The following SYT14 variants were observed in gnomAD, a reference collection of about 807,000 sequenced individuals.
SYT14 encodes the protein synaptotagmin 14.
SYT14 carries 32 observed loss-of-function variants against 74.2 expected under a neutral mutation model. The ratio of observed to expected loss-of-function variants is 0.43; its 90% confidence interval spans 0.33 to 0.58. The LOEUF (loss-of-function observed/expected upper bound fraction) is 0.58. Ranked by LOEUF, SYT14 falls within the 20% of genes least tolerant of loss-of-function variation. The pLI is 0.05. For synonymous variants in SYT14, 298 were observed against 337.7 expected (o/e 0.88, Z 1.29); for missense variants, 791 against 981.8 (o/e 0.81, Z 2.60).
intron 2 of SYT14, among the ~76,000 whole-genome samples, chr1:209,967,343 C>G (rs2079171773): frequency 6.6e-6 from 1 of 152,016 alleles, no homozygotes; most frequent in Middle Eastern, 3.2e-3. Flanking sequence ...GAAGTATTCC[C>G]TCCTCTTGAA....
At chr1:210,150,406 A>C (rs1299396440) in intron 7 of SYT14, among the ~76,000 whole-genome samples, 1 of 152,182 alleles carries the variant, frequency 6.6e-6, no homozygotes, top group Non-Finnish European at 1.5e-5. Context: ...CTAGACTTAC[A>C]GTGTGGAGGA....
intron 5 of SYT14, among the ~76,000 whole-genome samples, chr1:210,083,154 G>C (rs1383498295): frequency 6.6e-6 from 1 of 151,808 alleles, no homozygotes; most frequent in Non-Finnish European, 1.5e-5. Context: ...CTAATTTTTG[G>C]GGTTTTTTTG....
intron 7 of SYT14, among the ~76,000 whole-genome samples, chr1:210,121,599 C>G (rs920357594): frequency 6.6e-6 from 1 of 151,954 alleles, no homozygotes; most frequent in Non-Finnish European, 1.5e-5. Context: ...TTGAGACCAT[C>G]CTGGCTAACA....
intron 7 of SYT14, 146 bp downstream of exon 6, chr1:210,100,607 TG>T (rs2082046861): frequency 1.5e-5 from 12 of 779,932 alleles, no homozygotes; most frequent in Admixed American, 2.7e-5. Flanking sequence ...ATCTAAGCCC[TG>T]GATAGATAGA....
At chr1:210,049,984 C>T (rs1469358759) in intron 5 of SYT14, among the ~76,000 whole-genome samples, 1 of 152,178 alleles carries the variant, frequency 6.6e-6, no homozygotes, top group African/African-American at 2.4e-5. Context: ...GAGACATTTT[C>T]CCCATTGTCT....
chr1:210,096,956 T>A (rs1013821297), intron 6 of SYT14, among the ~76,000 whole-genome samples: 2 of 152,210 alleles, frequency 1.3e-5, no homozygotes, highest in Non-Finnish European at 2.9e-5. Context: ...TTACTCACTA[T>A]CTATAGTTAT....
At chr1:210,153,584 A>G (rs980787127) in intron 7 of SYT14, among the ~76,000 whole-genome samples, 4 of 152,144 alleles carry the variant, frequency 2.6e-5, no homozygotes, top group African/African-American at 9.7e-5. Context: ...TGCTTCTGAT[A>G]TATAGTAATG....
At chr1:210,061,792 A>AT (rs763421985) in intron 5 of SYT14, among the ~76,000 whole-genome samples, 2 of 151,896 alleles carry the variant, frequency 1.3e-5, no homozygotes, top group Non-Finnish European at 2.9e-5. Flanking sequence ...TAGAACTTTG[A>AT]TTTTGTAATT....
exon 10 of SYT14, chr1:210,169,914 C>G (rs999556706): frequency 6.6e-6 from 1 of 151,284 alleles, no homozygotes; most frequent in Non-Finnish European, 1.5e-5. Flanking sequence ...TTCAATATTC[C>G]CTTACTCTTC....
rs996756911 is a variant in SYT14, at chr1:210,062,441, C to G, written c.1313-31881C>G. ...TTGTCAAACTTTTGACACTAGAAAACAAAAGCACAATAATGTGCAAATGAA... is the reference window on the plus strand; with the variant it reads ...TTGTCAAACTTTTGACACTAGAAAAGAAAAGCACAATAATGTGCAAATGAA... On this transcript the variant is annotated intron_variant, in intron 5 of 9. Coordinates refer to ENST00000637265, the Ensembl canonical transcript of SYT14. Among the ~76,000 whole-genome samples the G allele has an allele frequency of 5.3e-5, 8 of 151,690 alleles. No individual in the cohort carries two copies. The South Asian group carries it at 6.2e-4, about 12-fold the overall frequency.
chr1:210,104,045 CT>C (rs1224979993), intron 7 of SYT14, among the ~76,000 whole-genome samples: 1 of 152,154 alleles, frequency 6.6e-6, no homozygotes, highest in Non-Finnish European at 1.5e-5. Flanking sequence ...TTCTGGAAAC[CT>C]CAATACAGAC....
chr1:210,112,671 A>G (rs2082285757), intron 7 of SYT14, among the ~76,000 whole-genome samples: 2 of 151,300 alleles, frequency 1.3e-5, no homozygotes, highest in Non-Finnish European at 2.9e-5. Context: ...ATGCCTTTTG[A>G]TGGCCCTTGC....
intron 7 of SYT14, among the ~76,000 whole-genome samples, chr1:210,128,336 C>G (rs570044200): frequency 6.6e-6 from 1 of 150,966 alleles, no homozygotes; most frequent in South Asian, 2.1e-4. Flanking sequence ...ATGGTCACAC[C>G]ATTGTACTCT....
intron 5 of SYT14, among the ~76,000 whole-genome samples, chr1:210,060,675 A>G (rs2081191316): frequency 6.6e-6 from 1 of 152,092 alleles, no homozygotes; most frequent in Admixed American, 6.6e-5. Context: ...ATAGAAAGGA[A>G]AAAATATATA....
intron 7 of SYT14, among the ~76,000 whole-genome samples, chr1:210,141,278 A>G (rs925414896): frequency 3.9e-5 from 6 of 152,146 alleles, no homozygotes; most frequent in African/African-American, 1.4e-4. Context: ...TAAGTATTCT[A>G]TTCATATTGA....
chr1:210,109,631 A>G (rs1036877383), intron 7 of SYT14, among the ~76,000 whole-genome samples: 24 of 152,136 alleles, frequency 1.6e-4, no homozygotes, highest in African/African-American at 5.8e-4. Context: ...AGGAAACAAC[A>G]GATGCTAGAG....
At chr1:210,152,582 T>C (rs896530116) in intron 7 of SYT14, among the ~76,000 whole-genome samples, 1 of 152,082 alleles carries the variant, frequency 6.6e-6, no homozygotes, top group Non-Finnish European at 1.5e-5. Flanking sequence ...CAACACACAT[T>C]AGAAAAGGGT....
At chr1:210,087,796 G>GACA (rs1325041552) in intron 5 of SYT14, among the ~76,000 whole-genome samples, 2 of 152,114 alleles carry the variant, frequency 1.3e-5, no homozygotes, top group Non-Finnish European at 2.9e-5. Context: ...CACTGGGCTG[G>GACA]ACATCTTCCC....
Position 209,940,564 on chromosome 1 carries a change from A to G in SYT14, c.-534+2287A>G, listed in dbSNP as rs143329283. On this transcript the variant is annotated intron_variant, in intron 1 of 9. Coordinates refer to ENST00000637265, the Ensembl canonical transcript of SYT14. ...TCTTTCCTTTGTATAAAAACATTCA[A>G]TGATGATGGGTCTAACACTGTTTTT... is the stretch of plus-strand genomic sequence containing the variant. Among the ~76,000 whole-genome samples, 12 of 152,332 alleles carry G rather than the reference A, an allele frequency of 7.9e-5. No individual in the cohort carries two copies. In the East Asian group the frequency reaches 1.2e-3, roughly 15 times the overall value.
Sources: allele counts gnomAD v4.1 joint callset (sites outside exome capture counted in the v4.1 genomes callset), GRCh38; gene constraint gnomAD v4.1.1; transcripts MANE v1.5; gene names NCBI Gene and HGNC (gene_info 2026-07-23, HGNC 2026-07-21).